The following NPEPL1 variants were observed in gnomAD, a reference collection of about 807,000 sequenced individuals.
The protein encoded by NPEPL1 is probable aminopeptidase NPEPL1.
Under a neutral mutation model 52.4 loss-of-function variants are expected in NPEPL1, and 45 were observed. That is an observed-to-expected ratio of 0.86 (90% CI 0.68 to 1.10). The LOEUF (loss-of-function observed/expected upper bound fraction) is 1.10, where lower values mean the gene tolerates loss of function less well. NPEPL1 is among the 50% of genes least tolerant of loss of function. NPEPL1 has a pLI of 0.00. For synonymous variants in NPEPL1, 360 were observed against 314.7 expected (o/e 1.14, Z -1.52); for missense variants, 696 against 710.9 (o/e 0.98, Z 0.24).
At chr20:58,715,125 G>T in intron 11 of NPEPL1, 43 bp from the exon 12 acceptor site, 1 of 1,559,860 alleles carries the variant, frequency 6.4e-7, no homozygotes, top group Non-Finnish European at 8.6e-7. Flanking sequence ...CTCCTGTGCT[G>T]CAGCCCCACG....
chr20:58,691,709 T>TTTTTTTTTTTTTTTTG, upstream of NPEPL1: 1 of 710,820 alleles, frequency 1.4e-6, no homozygotes, highest in Non-Finnish European at 2.2e-6. Flanking sequence ...TTTTTTTTTT[T>TTTTTTTTTTTTTTTTG]TTTTTCATTT....
chr20:58,704,108 C>A, intron 6 of NPEPL1: 1 of 985,376 alleles, frequency 1.0e-6, no homozygotes, highest in Non-Finnish European at 1.2e-6. Flanking sequence ...GCCATTGATG[C>A]AAAGACCCCA....
chr20:58,691,079 T>C (rs1307014573), upstream of NPEPL1: 3 of 703,086 alleles, frequency 4.3e-6, no homozygotes, highest in Admixed American at 2.0e-5. Flanking sequence ...TCTTCGCCTG[T>C]GGAAGTCCTA....
intron 6 of NPEPL1, chr20:58,704,181 G>A (rs1234320355): frequency 7.1e-6 from 7 of 985,188 alleles, no homozygotes; most frequent in African/African-American, 1.7e-5. Flanking sequence ...CAGACGCAAC[G>A]CAGCAGGCAT....
chr20:58,701,087 G>GC lies in NPEPL1; in HGVS notation c.753dup (p.Thr252HisfsTer14). On this transcript the variant is annotated frameshift_variant, in exon 6 of 12. Transcript: ENST00000356091. LOFTEE classifies it high-confidence loss of function. ...CGTCCTCAGCCACACCCCAGATGGA[G>GC]CCACGCAGACCATCGCCTGGGTGGG... is the stretch of plus-strand genomic sequence containing the variant. 1 of 1,595,734 alleles carries GC rather than the reference G, an allele frequency of 6.3e-7. No homozygotes were observed. Among genetic ancestry groups the GC allele is most frequent in the South Asian group, 1.1e-5 (1 of 87,486 alleles).
intron 11 of NPEPL1, chr20:58,714,930 C>T: frequency 1.6e-6 from 1 of 615,418 alleles, no homozygotes; most frequent in Non-Finnish European, 2.8e-6. Context: ...TGAGGAGCTC[C>T]CGGGGTGAAG....
chr20:58,691,990 C>T (rs1413683801), upstream of NPEPL1: 6 of 633,924 alleles, frequency 9.5e-6, no homozygotes, highest in Non-Finnish European at 1.7e-5. Context: ...CTGCCCCACA[C>T]CCCCGATGGC....
At chr20:58,709,112 G>C (rs2084788471) in intron 7 of NPEPL1, among the ~76,000 whole-genome samples, 1 of 151,900 alleles carries the variant, frequency 6.6e-6, no homozygotes, top group Non-Finnish European at 1.5e-5. Flanking sequence ...CACCTCTAGA[G>C]GTGCTGCGGC....
At chr20:58,709,608 C>T (rs1225534986) in intron 7 of NPEPL1, among the ~76,000 whole-genome samples, 1 of 152,212 alleles carries the variant, frequency 6.6e-6, no homozygotes, top group African/African-American at 2.4e-5. Flanking sequence ...TGGTGACACT[C>T]ACAACCCAGC....
At chr20:58,693,660 G>A (rs930395422) in intron 1 of NPEPL1, 77 bp from the exon 2 acceptor site, 2 of 1,354,516 alleles carry the variant, frequency 1.5e-6, no homozygotes, top group Non-Finnish European at 2.0e-6. Context: ...GGTTGTGGCC[G>A]TGGCTGCAGG....
intron 7 of NPEPL1, among the ~76,000 whole-genome samples, chr20:58,712,188 C>T (rs2084862599): frequency 6.6e-6 from 1 of 152,212 alleles, no homozygotes; most frequent in African/African-American, 2.4e-5. Context: ...GGCTTCATGA[C>T]TGCCCAGCCC....
chr20:58,709,953 G>A lies in NPEPL1; in HGVS notation c.901-2526G>A, dbSNP rs752199987. 1.2e-4 allele frequency among the ~76,000 whole-genome samples: 18 copies of A among 151,976 alleles called. 1 individual carries two copies. The highest frequency in any genetic ancestry group is 2.1e-4 in the South Asian group (1 of 4,824). Reference sequence around the variant, plus strand: ...CCTGTGTTGGTGATTACTACCCCCTGCTGCCCATTGTCCCATGGCTGGACA... The same window carrying A: ...CCTGTGTTGGTGATTACTACCCCCTACTGCCCATTGTCCCATGGCTGGACA... On this transcript the variant is annotated intron_variant, in intron 7 of 11. Coordinates refer to ENST00000356091, the MANE Select transcript of NPEPL1 (RefSeq NM_024663.4).
At position 58,714,537 on chromosome 20, in the gene NPEPL1, CTG is replaced by C. The variant is rs1233159317; in HGVS notation, c.1303-19_1303-18del. 6 of 1,535,548 alleles carry C rather than the reference CTG, an allele frequency of 3.9e-6. No individual in the cohort carries two copies. In the East Asian group the frequency reaches 1.2e-4, roughly 31 times the overall value. ...GCCCGGCCGGAGCAACCCACAGGCA[CTG>C]TGTCCTCCTGGCCTCCCTAGGACCG... On this transcript the variant is annotated intron_variant, in intron 10 of 11. Transcript: ENST00000356091.
intron 7 of NPEPL1, among the ~76,000 whole-genome samples, chr20:58,707,715 TG>T (rs539320427): frequency 6.8e-4 from 27 of 39,600 alleles, no homozygotes; most frequent in African/African-American, 1.7e-3. Context: ...TCGGGGGGCG[TG>T]GGGGGGGTGG....
In NPEPL1 at chr20:58,704,414, G is replaced by T. The variant is rs532248070; in HGVS notation, c.823-2709G>T. 20 of 976,784 alleles carry T rather than the reference G, an allele frequency of 2.0e-5. No homozygotes were observed. The African/African-American group carries it at 3.5e-4, about 17-fold the overall frequency. 60.5% of individuals were successfully genotyped at this position (976,784 alleles called of 1,614,324 possible). A position where few individuals can be genotyped will look rare whatever the true frequency, so the allele number is the denominator to read the frequency against. On this transcript the variant is annotated intron_variant, in intron 6 of 11. Transcript: ENST00000356091. The stretch of plus-strand genomic sequence containing the variant: ...CTTAACAAGTACCGACCCCAAAGAG[G>T]CTTTTTGTATAACAATGTCTATTGA...
At chr20:58,695,169 CA>C (rs2084454434) in intron 3 of NPEPL1, among the ~76,000 whole-genome samples, 1 of 15,106 alleles carries the variant, frequency 6.6e-5, no homozygotes, top group East Asian at 2.1e-3. Context: ...GTGGTGTGTG[CA>C]TGTGTGGTGT....
chr20:58,713,777 G>A lies in NPEPL1; in HGVS notation c.1126-140G>A, dbSNP rs375128343. ...GTGCTTCATGGCCATGGTCCTTTCT[G>A]CCTGTGTTTTTTCTTTTTTTCTCAA... On this transcript the variant is annotated intron_variant, in intron 9 of 11. Transcript: ENST00000356091. The surrounding 1 kb of genome is among the most constrained non-coding windows in gnomAD (Gnocchi z 4.6). The A allele has an allele frequency of 1.8e-6, 2 of 1,115,940 alleles. No individual in the cohort carries two copies. The highest frequency in any genetic ancestry group is 1.6e-5 in the African/African-American group (1 of 62,698). 69.1% of individuals were successfully genotyped at this position (1,115,940 alleles called of 1,614,324 possible). A position where few individuals can be genotyped will look rare whatever the true frequency, so the allele number is the denominator to read the frequency against.
chr20:58,709,435 C>T (rs2084794352), intron 7 of NPEPL1, among the ~76,000 whole-genome samples: 1 of 152,100 alleles, frequency 6.6e-6, no homozygotes, highest in Non-Finnish European at 1.5e-5. Context: ...ACACTGAATC[C>T]CAGTTTCAGG....
chr20:58,705,302 T>A (rs1403044671), intron 6 of NPEPL1, among the ~76,000 whole-genome samples: 1 of 152,150 alleles, frequency 6.6e-6, no homozygotes, highest in Non-Finnish European at 1.5e-5. Flanking sequence ...CTCATGGAGC[T>A]CAGAACTCCC....
Sources: allele counts gnomAD v4.1 joint callset (sites outside exome capture counted in the v4.1 genomes callset), GRCh38; gene constraint gnomAD v4.1.1; non-coding constraint Gnocchi (gnomAD v3.1); transcripts MANE v1.5; gene names NCBI Gene and HGNC (gene_info 2026-07-23, HGNC 2026-07-21).